Variants in DNAH8 observed in about 807,000 individuals in gnomAD.
DNAH8 encodes axonemal beta dynein heavy chain 8.
A neutral mutation model predicts 562.1 loss-of-function variants in DNAH8; 382 were observed. The ratio of observed to expected loss-of-function variants is 0.68; its 90% CI spans 0.63 to 0.74. DNAH8 has a LOEUF of 0.74. DNAH8 is among the 30% of genes least tolerant of loss of function. The pLI is 0.00. For missense variants in DNAH8, 5,203 were observed against 5,620.4 expected (o/e 0.93, Z 2.37); for synonymous variants, 1,881 against 1,919.4 (o/e 0.98, Z 0.52).
chr6:38,813,404 A>C (rs1771973625), intron 24 of DNAH8, among the ~76,000 whole-genome samples: 1 of 150,854 alleles, frequency 6.6e-6, no homozygotes, highest in Non-Finnish European at 1.5e-5. Flanking sequence ...ATCCCCTCCC[A>C]CCCCCCATCT....
At chr6:38,735,298 C>T (rs532307006) in intron 5 of DNAH8, among the ~76,000 whole-genome samples, 1 of 152,278 alleles carries the variant, frequency 6.6e-6, no homozygotes, top group South Asian at 2.1e-4. Context: ...ATACCTTTTA[C>T]AATGGGAAAG....
Position 38,741,893 on chromosome 6 carries a change from A to G in DNAH8, c.1293+6A>G. 1.2e-6 allele frequency: 2 copies of G among 1,602,536 alleles called. No homozygotes were observed. The highest frequency in any genetic ancestry group is 1.7e-6 in the Non-Finnish European group (2 of 1,175,944). On this transcript the variant is annotated splice_donor_region_variant and intron_variant, in intron 8 of 92. Coordinates refer to ENST00000327475, the MANE Select transcript of DNAH8 (RefSeq NM_001206927.2). The stretch of plus-strand genomic sequence containing the variant: ...CACACTCCAAACTGCTAAAGGTAAA[A>G]GGCTTTTTATTTAAAGTTTGGTATA...
In DNAH8 at chr6:38,850,321, A is replaced by G; in HGVS notation, c.5270A>G (p.Asn1757Ser). ...ATGCAGCGAGCTCATGAGAATCCCA[A>G]TGTGATTAATTGCTGTGTTGGAGAT... ...KIMQRAHENP[N>S]VINCCVGDET... Residue 1757 changes from asparagine (N) to serine (S), a missense_variant, in exon 38 of 93, where the codon AAT becomes AGT. By Grantham distance (46) the Asn-to-Ser change is conservative. Transcript: ENST00000327475. 6.2e-7 allele frequency: 1 copy of G among 1,613,676 alleles called. No individual in the cohort carries two copies. The highest frequency in any genetic ancestry group is 1.1e-5 in the South Asian group (1 of 91,058).
chr6:38,763,598 G>T (rs1217142197), intron 11 of DNAH8: 1 of 178,534 alleles, frequency 5.6e-6, no homozygotes, highest in Non-Finnish European at 1.1e-5. Flanking sequence ...TGGATCCCTT[G>T]AGCCCAGGAG....
chr6:38,940,409 G>T (rs1783345241), intron 79 of DNAH8, among the ~76,000 whole-genome samples: 1 of 152,200 alleles, frequency 6.6e-6, no homozygotes, highest in Non-Finnish European at 1.5e-5. Flanking sequence ...GTGGGGGATT[G>T]CTGGATGTGA....
At chr6:38,941,336 C>T (rs1783438641) in intron 79 of DNAH8, among the ~76,000 whole-genome samples, 1 of 152,208 alleles carries the variant, frequency 6.6e-6, no homozygotes, top group South Asian at 2.1e-4. Context: ...CTTACTCTTT[C>T]TCTACTTCAT....
Position 38,826,348 on chromosome 6 carries a change from G to T in DNAH8, c.4040G>T (p.Arg1347Leu). Reference protein sequence around the residue: ...RFAMEALSCIRDNEIQMDMTL... With the variant: ...RFAMEALSCILDNEIQMDMTL... ...GCAATGGAAGCCTTGTCTTGCATAC[G>T]TGATAATGAAATTCAAATGGACATG... Residue 1347 changes from arginine (R) to leucine (L), a missense_variant, in exon 29 of 93, where the codon CGT becomes CTT. By Grantham distance (102) the Arg-to-Leu change is moderately radical. This residue lies in a region of DNAH8 where 2,176 missense variants were observed against 2,365.1 expected (regional missense o/e 0.92). Transcript: ENST00000327475. 6.2e-7 allele frequency: 1 copy of T among 1,611,876 alleles called. No individual in the cohort carries two copies. Among genetic ancestry groups the T allele is most frequent in the Non-Finnish European group, 8.5e-7 (1 of 1,179,168 alleles).
Position 38,837,995 on chromosome 6 carries a change from A to G in DNAH8, c.4419A>G (p.Gln1473=). 4 of 1,613,424 alleles carry G rather than the reference A, an allele frequency of 2.5e-6. No homozygotes were observed. The highest frequency in any genetic ancestry group is 1.7e-4 in the Middle Eastern group (1 of 6,056). Residue 1473 remains glutamine, a synonymous_variant, in exon 33 of 93, where the codon CAA becomes CAG. Coordinates refer to ENST00000327475, the MANE Select transcript of DNAH8 (RefSeq NM_001206927.2). The stretch of plus-strand genomic sequence containing the variant: ...TTGTTACGTATTCATCTGGTGAACA[A>G]CTTTTTGGATTGCCTGTGACTGATT... ...RKFVTYSSGE[Q]LFGLPVTDYE...
chr6:38,771,805 A>T (rs1767602415), intron 12 of DNAH8, among the ~76,000 whole-genome samples: 1 of 152,114 alleles, frequency 6.6e-6, no homozygotes, highest in African/African-American at 2.4e-5. Context: ...GAACATTGGG[A>T]TTATTTCCTC....
At chr6:38,907,209 A>G (rs1652313331) in intron 63 of DNAH8, among the ~76,000 whole-genome samples, 1 of 152,222 alleles carries the variant, frequency 6.6e-6, no homozygotes, top group Non-Finnish European at 1.5e-5. Flanking sequence ...TTGATGTTCC[A>G]GCTTCCTATG....
intron 33 of DNAH8, among the ~76,000 whole-genome samples, chr6:38,841,701 T>G (rs1456161315): frequency 6.6e-6 from 1 of 152,116 alleles, no homozygotes; most frequent in African/African-American, 2.4e-5. Context: ...TTAAACACAG[T>G]AACTTCATCT....
At chr6:38,758,103 A>G (rs1297266795) in intron 10 of DNAH8, among the ~76,000 whole-genome samples, 1 of 152,204 alleles carries the variant, frequency 6.6e-6, no homozygotes. Flanking sequence ...CACTGAATCT[A>G]TAAATTACCT....
intron 26 of DNAH8, 109 bp from the exon 27 acceptor site, chr6:38,822,729 G>A: frequency 1.2e-6 from 1 of 843,526 alleles, no homozygotes; most frequent in Non-Finnish European, 1.7e-6. Context: ...TTCTTGGAGG[G>A]AGAATCTTTA....
At chr6:39,013,054 A>G (rs543651298) in intron 91 of DNAH8, among the ~76,000 whole-genome samples, 1 of 152,252 alleles carries the variant, frequency 6.6e-6, no homozygotes, top group Non-Finnish European at 1.5e-5. Context: ...GACTGTGACA[A>G]AAGTATTCAG....
Position 39,030,613 on chromosome 6 carries a change from A to G in DNAH8, c.*221A>G. ...AATGTTTTTTATTCTGGGAAATCAT[A>G]TTTCACTATAATTACTTTTTAAAGA... On this transcript the variant is annotated 3_prime_UTR_variant, in exon 93 of 93. Coordinates refer to ENST00000327475, the MANE Select transcript of DNAH8 (RefSeq NM_001206927.2). The G allele has an allele frequency of 6.2e-6, 3 of 487,764 alleles. No homozygotes were observed. The highest frequency in any genetic ancestry group is 6.2e-5 in the South Asian group (2 of 32,274). The allele number at this position is 487,764 out of a possible 1,614,324, so 30.2% of individuals were successfully genotyped here.
chr6:38,744,002 A>G (rs1764726346), intron 8 of DNAH8: 1 of 152,186 alleles, frequency 6.6e-6, no homozygotes, highest in Non-Finnish European at 1.5e-5. Context: ...TTATATGTCC[A>G]TATGCAAATA....
Position 38,872,556 on chromosome 6 carries a change from A to G in DNAH8, c.7011A>G (p.Val2337=). The change falls in exon 50 of 93, where the codon GTA becomes GTG. Residue 2337 remains valine, a synonymous_variant. Coordinates refer to ENST00000327475, the MANE Select transcript of DNAH8 (RefSeq NM_001206927.2). ...TGTAGTTATATGAGACGTCTTTGGT[A>G]CGGCATGGCTTGATGACTCTTGGGC... ...KLVQLYETSL[V]RHGLMTLGPS... The G allele has an allele frequency of 6.2e-7, 1 of 1,614,090 alleles. No individual in the cohort carries two copies. The highest frequency in any genetic ancestry group is 8.5e-7 in the Non-Finnish European group (1 of 1,179,944).
At chr6:38,791,088 A>G (rs540781112) in intron 20 of DNAH8, among the ~76,000 whole-genome samples, 81 of 152,298 alleles carry the variant, frequency 5.3e-4, no homozygotes, top group African/African-American at 1.8e-3. Flanking sequence ...GATTTCTGAC[A>G]TATTGGCTAC....
At position 39,030,164 on chromosome 6, in the gene DNAH8, G is replaced by C. The variant is rs143487714; in HGVS notation, c.13896G>C (p.Gly4632=). 6.2e-6 allele frequency: 10 copies of C among 1,613,962 alleles called. No individual in the cohort carries two copies. Among genetic ancestry groups the C allele is most frequent in the African/African-American group, 1.3e-5 (1 of 74,878 alleles). The change falls in exon 93 of 93, where the codon GGG becomes GGC. Residue 4632 remains glycine (G), a synonymous_variant. Transcript: ENST00000327475. ...MDGAAWDRRN[G]KLMESTPKVL... ...GAGCAGCCTGGGACAGACGGAATGG[G>C]AAGCTCATGGAATCCACCCCCAAGG...
Sources: allele counts gnomAD v4.1 joint callset (sites outside exome capture counted in the v4.1 genomes callset), GRCh38; gene constraint gnomAD v4.1.1; regional missense constraint gnomAD v4.1.1; transcripts MANE v1.5; gene names NCBI Gene and HGNC (gene_info 2026-07-23, HGNC 2026-07-21).